The following UBXN4 variants were observed in gnomAD, a reference collection of about 807,000 sequenced individuals.
UBXN4 encodes UBX domain-containing protein 4.
UBXN4 carries 35 observed loss-of-function variants against 66.2 expected under a neutral mutation model. The ratio of observed to expected loss-of-function variants is 0.53; its 90% CI spans 0.40 to 0.70. The LOEUF is 0.70. UBXN4 is among the 30% of genes least tolerant of loss of function. UBXN4 has a pLI of 0.00. For missense variants in UBXN4, 533 were observed against 599.8 expected (o/e 0.89, Z 1.16); for synonymous variants, 203 against 204.5 (o/e 0.99, Z 0.06).
intron 6 of UBXN4, among the ~76,000 whole-genome samples, chr2:135,768,806 G>A (rs1004679774): frequency 6.6e-6 from 1 of 151,692 alleles, no homozygotes; most frequent in Non-Finnish European, 1.5e-5. Flanking sequence ...CAATTGATCC[G>A]CCTGCCTCGG....
intron 4 of UBXN4, among the ~76,000 whole-genome samples, chr2:135,754,579 T>TC (rs2077268239): frequency 6.6e-6 from 1 of 151,920 alleles, no homozygotes; most frequent in African/African-American, 2.4e-5. Context: ...CGCCTCGGCC[T>TC]CCCAAAGTGC....
intron 7 of UBXN4, 32 bp downstream of exon 7, chr2:135,769,855 C>T (rs575283573): frequency 6.5e-7 from 1 of 1,547,350 alleles, no homozygotes; most frequent in Non-Finnish European, 8.7e-7. Context: ...TTGTTTTGTC[C>T]TCTCATTAAC....
intron 1 of UBXN4, among the ~76,000 whole-genome samples, chr2:135,746,850 A>G (rs2077210058): frequency 1.3e-5 from 2 of 151,798 alleles, no homozygotes; most frequent in Admixed American, 1.3e-4. Context: ...ATGGGGAGCC[A>G]TTGTGTGATC....
At chr2:135,759,505 C>T (rs1490833147) in intron 5 of UBXN4, among the ~76,000 whole-genome samples, 1 of 152,118 alleles carries the variant, frequency 6.6e-6, no homozygotes, top group Non-Finnish European at 1.5e-5. Context: ...TACTGCATCC[C>T]CATGGAATTG....
chr2:135,753,861 G>A (rs2077262407), intron 3 of UBXN4: 1 of 450,992 alleles, frequency 2.2e-6, no homozygotes, highest in Non-Finnish European at 3.9e-6. Context: ...ATATAGATCA[G>A]TTGGGTTGGA....
chr2:135,767,310 G>A (rs1455105692), intron 6 of UBXN4, among the ~76,000 whole-genome samples: 2 of 152,162 alleles, frequency 1.3e-5, no homozygotes, highest in South Asian at 2.1e-4. Flanking sequence ...GCAGTGAGCC[G>A]AGATCGTGCC....
chr2:135,772,502 A>C lies in UBXN4; in HGVS notation c.905A>C (p.Gln302Pro). 1 of 1,614,084 alleles carries C rather than the reference A, an allele frequency of 6.2e-7. No homozygotes were observed. Among genetic ancestry groups the C allele is most frequent in the Admixed American group, 1.7e-5 (1 of 60,030 alleles). ...AAAGCTGCTGCCTTGCTAGCAAAAC[A>C]GGCAGAAATGGAAGTCAAGAGGGAA... ...AAKAAALLAK[Q>P]AEMEVKRESY... Residue 302 changes from glutamine (Q) to proline (P), a missense_variant, in exon 9 of 13, where the codon CAG becomes CCG. Physicochemically the swap from Gln to Pro is moderately conservative, Grantham distance 76 (BLOSUM62 -1). Around this residue, in one of 2 missense-constraint regions of UBXN4, gnomAD observed 529 missense variants for 580.1 expected, o/e 0.91. Transcript: ENST00000272638.
At chr2:135,751,859 G>C (rs998822156) in intron 2 of UBXN4, among the ~76,000 whole-genome samples, 1 of 151,864 alleles carries the variant, frequency 6.6e-6, no homozygotes, top group Non-Finnish European at 1.5e-5. Flanking sequence ...AGAAGCATTT[G>C]TTTGATTATT....
At chr2:135,778,761 AC>A (rs2077432717) in intron 10 of UBXN4, among the ~76,000 whole-genome samples, 186 bp from the exon 11 acceptor site, 1 of 152,176 alleles carries the variant, frequency 6.6e-6, no homozygotes, top group Non-Finnish European at 1.5e-5. Flanking sequence ...GCTTTTAAAA[AC>A]TATTTGGATT....
chr2:135,741,862 G>A lies in UBXN4; in HGVS notation c.-68G>A. 6.5e-7 allele frequency: 1 copy of A among 1,532,568 alleles called. No individual in the cohort carries two copies. Among genetic ancestry groups the A allele is most frequent in the East Asian group, 2.5e-5 (1 of 40,000 alleles). The allele number at this position is 1,532,568 out of a possible 1,614,324, so 94.9% of individuals were successfully genotyped here. A position where few individuals can be genotyped will look rare whatever the true frequency, so the allele number is the denominator to read the frequency against. On this transcript the variant is annotated 5_prime_UTR_variant, in exon 1 of 13. Transcript: ENST00000272638. ...GGGGCCGCAGAGCCGGACGAAGACG[G>A]AGGGCGGAGCCGGCTTCGGGACTGC...
At chr2:135,779,887 T>C (rs534050986) in intron 11 of UBXN4, among the ~76,000 whole-genome samples, 186 of 139,554 alleles carry the variant, frequency 1.3e-3, no homozygotes, top group African/African-American at 4.8e-3. Context: ...AATTATAATA[T>C]ATTATATAAA....
intron 6 of UBXN4, among the ~76,000 whole-genome samples, chr2:135,766,623 C>G (rs2077349934): frequency 6.6e-6 from 1 of 152,188 alleles, no homozygotes; most frequent in Non-Finnish European, 1.5e-5. Flanking sequence ...TCATTAGATT[C>G]AGGTTAAACT....
At position 135,778,958 on chromosome 2, in the gene UBXN4, A is replaced by T; in HGVS notation, c.1064A>T (p.Asn355Ile). 1 of 1,612,306 alleles carries T rather than the reference A, an allele frequency of 6.2e-7. No homozygotes were observed. The highest frequency in any genetic ancestry group is 2.2e-5 in the East Asian group (1 of 44,838). The change falls in exon 11 of 13, where the codon AAC becomes ATC. Residue 355 changes from asparagine (N) to isoleucine (I), a missense_variant. Asn to Ile is a moderately radical substitution (Grantham distance 149). This residue lies in a region of UBXN4 where 529 missense variants were observed against 580.1 expected (regional missense o/e 0.91). Transcript: ENST00000272638. ...ARQFAAQTVG[N>I]TYGNFSLATM... ...AAACTTATTTTACAGACTGTTGGCA[A>T]CACTTACGGTAATTTTTCGTTAGCA...
At chr2:135,755,808 T>A in intron 5 of UBXN4, 117 bp downstream of exon 5, 1 of 703,816 alleles carries the variant, frequency 1.4e-6, no homozygotes, top group Non-Finnish European at 1.8e-6. Context: ...TTATTTAACT[T>A]AAAATTTAAG....
At chr2:135,764,032 GA>G (rs1437639796) in intron 6 of UBXN4, among the ~76,000 whole-genome samples, 11 of 152,030 alleles carry the variant, frequency 7.2e-5, no homozygotes, top group African/African-American at 2.7e-4. Context: ...GTTGAGGCAG[GA>G]AAATTGCTTG....
At chr2:135,774,275 A>T (rs371156225) in intron 9 of UBXN4, among the ~76,000 whole-genome samples, 12 of 152,360 alleles carry the variant, frequency 7.9e-5, no homozygotes, top group Admixed American at 5.2e-4. Context: ...TCTTTTCAAC[A>T]AAAGGTGCTT....
chr2:135,760,941 T>C (rs767137326), intron 5 of UBXN4, among the ~76,000 whole-genome samples: 3 of 152,232 alleles, frequency 2.0e-5, no homozygotes, highest in Non-Finnish European at 4.4e-5. Context: ...TACTTAGTCA[T>C]ACTAATTATT....
chr2:135,745,875 C>CTTTTTTTTTTTTTTT (rs59946844), intron 1 of UBXN4, among the ~76,000 whole-genome samples: 1,198 of 74,390 alleles, frequency 0.016, 176 homozygotes, highest in Non-Finnish European at 0.02. Flanking sequence ...GTCCCGTTTA[C>CTTTTTTTTTTTTTTT]TTTTTTTTTT....
At chr2:135,761,795 T>C (rs1456722441) in intron 5 of UBXN4, 23 bp from the exon 6 acceptor site, 1 of 1,561,438 alleles carries the variant, frequency 6.4e-7, no homozygotes, top group Non-Finnish European at 8.7e-7. Context: ...AGTATTCTTA[T>C]TTCTTTTTAT....
Sources: allele counts gnomAD v4.1 joint callset (sites outside exome capture counted in the v4.1 genomes callset), GRCh38; gene constraint gnomAD v4.1.1; regional missense constraint gnomAD v4.1.1; transcripts MANE v1.5; gene names NCBI Gene and HGNC (gene_info 2026-07-23, HGNC 2026-07-21).